The following DZIP1 variants were observed in gnomAD, a reference collection of about 807,000 sequenced individuals.
DZIP1 encodes the protein DAZ interacting zinc finger protein 1, also known as cilium assembly protein DZIP1.
In DZIP1, 97 loss-of-function variants were observed where a neutral mutation model predicts 107.6. That is an observed-to-expected ratio of 0.90 (90% CI 0.77 to 1.07). The LOEUF is 1.07. Among genes scored for constraint, DZIP1 ranks in the 50% least tolerant of loss-of-function variants. The pLI is 0.00. For synonymous variants in DZIP1, 390 were observed against 386.4 expected (o/e 1.01, Z -0.11); for missense variants, 1,035 against 1,063.6 (o/e 0.97, Z 0.37).
chr13:95,600,590 T>TGATAGATAGATAGATA (rs1555306564), intron 14 of DZIP1, among the ~76,000 whole-genome samples: 70 of 141,674 alleles, frequency 4.9e-4, no homozygotes, highest in African/African-American at 4.8e-4. Context: ...GATAGATAGA[T>TGATAGATAGATAGATA]GATAGATAGA....
At chr13:95,607,166 C>T (rs1224107611) in intron 13 of DZIP1, among the ~76,000 whole-genome samples, 1 of 152,196 alleles carries the variant, frequency 6.6e-6, no homozygotes, top group Admixed American at 6.5e-5. Context: ...CCTGCCTCAG[C>T]CTCCTGAGTA....
intron 5 of DZIP1, among the ~76,000 whole-genome samples, chr13:95,638,502 A>AT (rs1878086583): frequency 6.6e-6 from 1 of 151,796 alleles, no homozygotes; most frequent in Non-Finnish European, 1.5e-5. Flanking sequence ...AATCGATGAG[A>AT]TTTTTCTTTT....
At chr13:95,635,025 G>A (rs1479478629) in intron 5 of DZIP1, among the ~76,000 whole-genome samples, 1 of 151,770 alleles carries the variant, frequency 6.6e-6, no homozygotes, top group Non-Finnish European at 1.5e-5. Flanking sequence ...TCCTTTTGCT[G>A]AAGGGGCTGA....
intron 10 of DZIP1, among the ~76,000 whole-genome samples, chr13:95,612,633 G>A (rs1411022975): frequency 6.6e-6 from 1 of 152,018 alleles, no homozygotes; most frequent in Non-Finnish European, 1.5e-5. Context: ...CACCCAGGCT[G>A]GAGTGCAGTG....
intron 13 of DZIP1, among the ~76,000 whole-genome samples, chr13:95,606,578 T>C: frequency 6.6e-6 from 1 of 152,264 alleles, no homozygotes; most frequent in East Asian, 1.9e-4. Flanking sequence ...TATCAGTATG[T>C]ATTTTTATGG....
Position 95,584,736 on chromosome 13 carries a change from C to A in DZIP1, c.2524G>T (p.Gly842Ter). Residue 842 changes from glycine (G) to a stop codon, truncating the protein, a stop_gained and splice_region_variant, in exon 22 of 23, where the codon GGA becomes TGA. Transcript: ENST00000376829. LOFTEE classifies it low-confidence loss of function (END_TRUNC). ...TGTATTAGAGGGGAAAGCAGCAAAC[C>A]TTCTCCCTTTGGCCCCTTAGGATTA... ...AFNPKGPKGE[G>*]LQENESSTLK... The A allele has an allele frequency of 1.2e-6, 2 of 1,610,284 alleles. No individual in the cohort carries two copies. The highest frequency in any genetic ancestry group is 1.3e-5 in the African/African-American group (1 of 74,806).
At chr13:95,612,439 C>T (rs1423369254) in intron 10 of DZIP1, among the ~76,000 whole-genome samples, 1 of 152,172 alleles carries the variant, frequency 6.6e-6, no homozygotes, top group South Asian at 2.1e-4. Context: ...GCACATAACA[C>T]GAAATAACAC....
chr13:95,623,963 A>G (rs1288338719), intron 8 of DZIP1, among the ~76,000 whole-genome samples: 2 of 152,108 alleles, frequency 1.3e-5, no homozygotes, highest in East Asian at 3.9e-4. Context: ...GTAAAAATGT[A>G]AAAACTATTC....
At chr13:95,625,050 G>A (rs1876366804) in intron 7 of DZIP1, 121 bp from the exon 8 acceptor site, 1 of 863,812 alleles carries the variant, frequency 1.2e-6, no homozygotes, top group Non-Finnish European at 1.7e-6. Context: ...TTTCAGTGAG[G>A]CTTGTAACAA....
Position 95,583,972 on chromosome 13 carries a change from AAAT to A in DZIP1, c.2524+761_2524+763del, listed in dbSNP as rs892177227. ...ACCCCATATCCTAAAAAAAATAAAA[AAAT>A]AATAATAATAAATTTTTTTTGAGAC... On this transcript the variant is annotated intron_variant, in intron 22 of 22. Transcript: ENST00000376829. Among the ~76,000 whole-genome samples, 10 of 151,990 alleles carry A rather than the reference AAAT, an allele frequency of 6.6e-5. No individual in the cohort carries two copies. In the East Asian group the frequency reaches 1.5e-3, roughly 24 times the overall value.
At position 95,621,611 on chromosome 13, in the gene DZIP1, A is replaced by C. The variant is rs531806424; in HGVS notation, c.1110+732T>G. On this transcript the variant is annotated intron_variant, in intron 9 of 22. Coordinates refer to ENST00000376829, the MANE Select transcript of DZIP1 (RefSeq NM_198968.4). Reference sequence around the variant, plus strand: ...TTCCCCTAAACCGCTGTCACTTCCAAATGAAAGTGATTATGTTTGATAAAT... The same window carrying C: ...TTCCCCTAAACCGCTGTCACTTCCACATGAAAGTGATTATGTTTGATAAAT... 2.0e-5 allele frequency among the ~76,000 whole-genome samples: 3 copies of C among 151,338 alleles called. No homozygotes were observed. The East Asian group carries it at 5.8e-4, about 29-fold the overall frequency.
At chr13:95,608,473 C>G (rs1205108111) in intron 13 of DZIP1, among the ~76,000 whole-genome samples, 2 of 147,638 alleles carry the variant, frequency 1.4e-5, no homozygotes, top group Non-Finnish European at 3.0e-5. Flanking sequence ...GTTTTTTTTC[C>G]TGCATAGATA....
intron 6 of DZIP1, chr13:95,630,638 G>T: frequency 9.4e-7 from 1 of 1,066,106 alleles, no homozygotes; most frequent in Non-Finnish European, 1.2e-6. Flanking sequence ...TATCAACTGG[G>T]GTAGAAGTGA....
chr13:95,609,297 T>C (rs1456917574), intron 13 of DZIP1, among the ~76,000 whole-genome samples, 160 bp downstream of exon 13: 1 of 152,272 alleles, frequency 6.6e-6, no homozygotes, highest in Non-Finnish European at 1.5e-5. Flanking sequence ...TCTTGGGTTT[T>C]AGAACTAGGT....
intron 7 of DZIP1, among the ~76,000 whole-genome samples, chr13:95,629,623 C>T (rs1876958257): frequency 1.3e-5 from 2 of 152,120 alleles, no homozygotes; most frequent in African/African-American, 4.8e-5. Flanking sequence ...CTGCCAGCAA[C>T]CAAATAAGCA....
intron 6 of DZIP1, chr13:95,630,709 C>T (rs781167288): frequency 8.8e-6 from 11 of 1,251,492 alleles, no homozygotes; most frequent in Non-Finnish European, 1.1e-5. Context: ...TGTACATGTA[C>T]TTACATGCAG....
In DZIP1 at chr13:95,582,267, A is replaced by G; in HGVS notation, c.2571T>C (p.Thr857=). 2 of 1,614,174 alleles carry G rather than the reference A, an allele frequency of 1.2e-6. No homozygotes were observed. Among genetic ancestry groups the G allele is most frequent in the Non-Finnish European group, 1.7e-6 (2 of 1,180,004 alleles). ...CTGAAGTGTCGCTCCAATCAGTCAC[A>G]GTTACTAAGCTGCTTTTTAATGTGC... ...ESSTLKSSLV[T]VTDWSDTSDV The change falls in exon 23 of 23, where the codon ACT becomes ACC. Residue 857 remains threonine, a synonymous_variant. Coordinates refer to ENST00000376829, the MANE Select transcript of DZIP1 (RefSeq NM_198968.4).
intron 13 of DZIP1, among the ~76,000 whole-genome samples, chr13:95,607,674 A>AG (rs1396607067): frequency 6.6e-6 from 1 of 152,152 alleles, no homozygotes; most frequent in Non-Finnish European, 1.5e-5. Flanking sequence ...ACTTTTTACA[A>AG]GAAAAAAAAA....
chr13:95,609,146 G>A (rs1015408736), intron 13 of DZIP1, among the ~76,000 whole-genome samples: 2 of 138,514 alleles, frequency 1.4e-5, no homozygotes, highest in East Asian at 2.1e-4. Context: ...TCACACAGTC[G>A]CATAGTGTAT....
Sources: allele counts gnomAD v4.1 joint callset (sites outside exome capture counted in the v4.1 genomes callset), GRCh38; gene constraint gnomAD v4.1.1; transcripts MANE v1.5; gene names NCBI Gene and HGNC (gene_info 2026-07-23, HGNC 2026-07-21).